The following SCIMP variants were observed in gnomAD, a reference collection of about 807,000 sequenced individuals.
SCIMP encodes SLP adapter and CSK-interacting membrane protein.
In SCIMP, 18 loss-of-function variants were observed where a neutral mutation model predicts 22.0. The ratio of observed to expected loss-of-function variants is 0.82; its 90% confidence interval spans 0.56 to 1.21. The LOEUF (loss-of-function observed/expected upper bound fraction) is 1.21, where lower values mean the gene tolerates loss of function less well. Ranked by LOEUF, SCIMP falls within the 50% of genes most tolerant of loss-of-function variation. The pLI is 0.00. For synonymous variants in SCIMP, 53 were observed against 62.2 expected (o/e 0.85, Z 0.70); for missense variants, 155 against 171.2 (o/e 0.91, Z 0.53).
chr17:5,210,827 C>T lies in SCIMP; in HGVS notation c.412G>A (p.Ala138Thr), dbSNP rs762609412. The change falls in exon 5 of 5, where the codon GCA becomes ACA. Residue 138 changes from alanine to threonine, a missense_variant. Coordinates refer to ENST00000574081, the MANE Select transcript of SCIMP (RefSeq NM_207103.3). ...EDDYDDVEIPANTEKASF is the reference protein window; with the variant it reads ...EDDYDDVEIPTNTEKASF ...CAAAATGATGCTTTTTCAGTATTTG[C>T]AGGGATTTCAACATCGTCATAGTCA... 1 of 1,610,446 alleles carries T rather than the reference C, an allele frequency of 6.2e-7. No homozygotes were observed. The highest frequency in any genetic ancestry group is 8.5e-7 in the Non-Finnish European group (1 of 1,179,190).
At chr17:5,222,822 A>C (rs2074618243) in intron 2 of SCIMP, among the ~76,000 whole-genome samples, 1 of 151,878 alleles carries the variant, frequency 6.6e-6, no homozygotes, top group Non-Finnish European at 1.5e-5. Context: ...CCGTCACCAC[A>C]CCCAGCTAAT....
At chr17:5,225,603 A>G (rs2074641681) in intron 1 of SCIMP, among the ~76,000 whole-genome samples, 1 of 152,118 alleles carries the variant, frequency 6.6e-6, no homozygotes, top group Non-Finnish European at 1.5e-5. Flanking sequence ...TCTACTAAAA[A>G]TACAAAAAAT....
chr17:5,218,144 G>C (rs1304196389), intron 3 of SCIMP, among the ~76,000 whole-genome samples: 1 of 151,572 alleles, frequency 6.6e-6, no homozygotes, highest in African/African-American at 2.4e-5. Context: ...TCCCACCTCA[G>C]CCTCCCAAGT....
At position 5,210,195 on chromosome 17, in the gene SCIMP, G is replaced by A. The variant is rs1257786433; in HGVS notation, c.*606C>T. ...TTGGCCTACATCATATAAAGGCACT[G>A]GGGTTTGCAGGGTGTCTAGGTGGGG... On this transcript the variant is annotated 3_prime_UTR_variant, in exon 5 of 5. Transcript: ENST00000574081. 6.6e-6 allele frequency: 1 copy of A among 152,108 alleles called. No individual in the cohort carries two copies. The highest frequency in any genetic ancestry group is 1.5e-5 in the Non-Finnish European group (1 of 68,068). 9.4% of individuals were successfully genotyped at this position (152,108 alleles called of 1,614,324 possible).
At chr17:5,227,663 G>A (rs2074661247) in intron 1 of SCIMP, among the ~76,000 whole-genome samples, 1 of 152,190 alleles carries the variant, frequency 6.6e-6, no homozygotes, top group Admixed American at 6.5e-5. Context: ...ACAGTGTGGG[G>A]GTTGAGGTGG....
intron 1 of SCIMP, among the ~76,000 whole-genome samples, chr17:5,229,384 CTTTTTTT>C (rs71151849): frequency 6.7e-5 from 4 of 59,310 alleles, no homozygotes; most frequent in South Asian, 1.1e-3. Context: ...GTTTATTTAG[CTTTTTTT>C]TTTTTTTTTT....
At chr17:5,227,096 G>A (rs954003847) in intron 1 of SCIMP, among the ~76,000 whole-genome samples, 3 of 152,040 alleles carry the variant, frequency 2.0e-5, no homozygotes, top group Non-Finnish European at 2.9e-5. Context: ...ACAGAGGGCC[G>A]ATAAGATTGT....
At chr17:5,214,595 C>G in intron 4 of SCIMP, 1 of 225,564 alleles carries the variant, frequency 4.4e-6, no homozygotes, top group South Asian at 1.2e-4. Context: ...AATCCCAGCA[C>G]TTTGGGAGGC....
intron 1 of SCIMP, among the ~76,000 whole-genome samples, chr17:5,230,803 G>A (rs1446068511): frequency 6.6e-6 from 1 of 152,084 alleles, no homozygotes; most frequent in Non-Finnish European, 1.5e-5. Context: ...AACCAGATGT[G>A]GCGGCATGTG....
intron 1 of SCIMP, among the ~76,000 whole-genome samples, chr17:5,232,814 A>G (rs1036902468): frequency 2.6e-5 from 4 of 151,464 alleles, no homozygotes; most frequent in Admixed American, 6.6e-5. Context: ...GGTTCAAGCT[A>G]TTCTCCTGTG....
intron 1 of SCIMP, among the ~76,000 whole-genome samples, chr17:5,228,311 A>T (rs566502610): frequency 4.9e-4 from 74 of 150,588 alleles, no homozygotes; most frequent in Non-Finnish European, 8.7e-4. Flanking sequence ...ACGCCACTGC[A>T]CTGCAGCCTG....
chr17:5,216,284 C>T (rs1241161541), intron 3 of SCIMP, among the ~76,000 whole-genome samples: 1 of 152,136 alleles, frequency 6.6e-6, no homozygotes, highest in South Asian at 2.1e-4. Context: ...TCTACAACTA[C>T]ACACAATGAA....
intron 3 of SCIMP, among the ~76,000 whole-genome samples, chr17:5,219,869 G>A (rs938301299): frequency 6.6e-6 from 1 of 152,224 alleles, no homozygotes; most frequent in Non-Finnish European, 1.5e-5. Context: ...GCAGTGCTTC[G>A]CGTCTGTTGC....
At chr17:5,234,476 G>T (rs556474962) in intron 1 of SCIMP, 80 of 531,524 alleles carry the variant, frequency 1.5e-4, no homozygotes, top group African/African-American at 1.5e-3. Flanking sequence ...CTTCTTCATC[G>T]CCCCTGACAT....
At chr17:5,217,285 G>A (rs568460663) in intron 3 of SCIMP, among the ~76,000 whole-genome samples, 1 of 152,084 alleles carries the variant, frequency 6.6e-6, no homozygotes, top group Non-Finnish European at 1.5e-5. Flanking sequence ...CCTGTGAACT[G>A]GTTAGGAAAG....
intron 1 of SCIMP, among the ~76,000 whole-genome samples, chr17:5,230,662 T>G (rs928951051): frequency 5.9e-5 from 9 of 152,202 alleles, no homozygotes; most frequent in African/African-American, 2.2e-4. Context: ...GGCTCACACT[T>G]GTAATCCCAG....
intron 1 of SCIMP, among the ~76,000 whole-genome samples, chr17:5,224,263 T>C (rs1597290966): frequency 6.6e-6 from 1 of 150,710 alleles, no homozygotes; most frequent in Non-Finnish European, 1.5e-5. Flanking sequence ...GCCTCCCGAG[T>C]AGCTGGGACT....
intron 4 of SCIMP, chr17:5,213,349 C>T (rs1384389061): frequency 1.8e-5 from 10 of 553,628 alleles, no homozygotes; most frequent in East Asian, 1.5e-4. Context: ...CAGGCTCAAG[C>T]GATCCCCCCA....
At chr17:5,230,018 C>T (rs2074682163) in intron 1 of SCIMP, among the ~76,000 whole-genome samples, 1 of 151,686 alleles carries the variant, frequency 6.6e-6, no homozygotes, top group Non-Finnish European at 1.5e-5. Context: ...ATGTTGTAGA[C>T]ACACAAAAAA....
Sources: gnomAD v4.1 joint callset for allele counts (sites outside exome capture counted in the v4.1 genomes callset) on GRCh38, gnomAD v4.1.1 for gene constraint, MANE v1.5 for transcripts, NCBI Gene and HGNC (gene_info 2026-07-23, HGNC 2026-07-21) for gene names.